Variants in PRUNE2 observed in about 807,000 individuals in gnomAD.
PRUNE2 encodes the protein prune homolog 2 with BCH domain.
PRUNE2 carries 164 observed loss-of-function variants against 252.0 expected under a neutral mutation model. That is an observed-to-expected ratio of 0.65 (90% confidence interval 0.57 to 0.74). The LOEUF is 0.74. Among genes scored for constraint, PRUNE2 ranks in the 30% least tolerant of loss-of-function variants. The pLI is 0.00. For missense variants in PRUNE2, 3,495 were observed against 3,711.0 expected (o/e 0.94, Z 1.51); for synonymous variants, 1,292 against 1,350.2 (o/e 0.96, Z 0.94).
At chr9:76,700,930 T>C (rs1210030867) in intron 9 of PRUNE2, among the ~76,000 whole-genome samples, 2 of 152,242 alleles carry the variant, frequency 1.3e-5, no homozygotes, top group South Asian at 2.1e-4. Context: ...AGTACCCATT[T>C]TATACTTAAA....
chr9:76,779,232 C>CT (rs5898506), intron 6 of PRUNE2, among the ~76,000 whole-genome samples: 33,015 of 144,780 alleles, frequency 0.23, 3,732 homozygotes, highest in South Asian at 0.3. Flanking sequence ...AAAACTTAGA[C>CT]TTTTTTTTTT....
intron 4 of PRUNE2, among the ~76,000 whole-genome samples, chr9:76,832,255 C>A (rs2058711547): frequency 6.6e-6 from 1 of 152,028 alleles, no homozygotes; most frequent in Non-Finnish European, 1.5e-5. Flanking sequence ...CCATGAGTAA[C>A]AAACTTGACC....
chr9:76,658,458 C>G (rs1850074151), intron 9 of PRUNE2, among the ~76,000 whole-genome samples: 1 of 152,192 alleles, frequency 6.6e-6, no homozygotes, highest in Admixed American at 6.5e-5. Context: ...TAAGAGAAAC[C>G]CAAGTCACGC....
chr9:76,685,031 C>T (rs980194274), intron 9 of PRUNE2, among the ~76,000 whole-genome samples: 3 of 152,074 alleles, frequency 2.0e-5, no homozygotes, highest in South Asian at 2.1e-4. Flanking sequence ...GGATTACAGG[C>T]GTGAGCCACC....
At chr9:76,861,275 G>C (rs2060530159) in intron 1 of PRUNE2, among the ~76,000 whole-genome samples, 1 of 152,200 alleles carries the variant, frequency 6.6e-6, no homozygotes, top group African/African-American at 2.4e-5. Flanking sequence ...CTGGGTTTGA[G>C]ATGATTTTGA....
intron 6 of PRUNE2, among the ~76,000 whole-genome samples, chr9:76,723,477 T>C (rs559813476): frequency 6.6e-6 from 1 of 152,316 alleles, no homozygotes; most frequent in African/African-American, 2.4e-5. Context: ...GTAGAGAGGC[T>C]AAAGGGGCTT....
At chr9:76,788,302 C>T (rs2055211433) in intron 6 of PRUNE2, 1 of 618,230 alleles carries the variant, frequency 1.6e-6, no homozygotes, top group East Asian at 2.8e-5. Context: ...TCGAAAGAAA[C>T]ATCTCTTACC....
chr9:76,747,986 C>T (rs775068077), intron 6 of PRUNE2, among the ~76,000 whole-genome samples: 9 of 152,036 alleles, frequency 5.9e-5, no homozygotes, highest in Admixed American at 3.3e-4. Context: ...TTAGTAGAGA[C>T]GGGGTTTCAC....
At chr9:76,835,460 T>C (rs1428527021) in intron 4 of PRUNE2, among the ~76,000 whole-genome samples, 1 of 152,234 alleles carries the variant, frequency 6.6e-6, no homozygotes, top group Non-Finnish European at 1.5e-5. Flanking sequence ...CTTTTTATAC[T>C]GCCTACTATT....
At chr9:76,739,009 A>G (rs573529288) in intron 6 of PRUNE2, 1 of 152,308 alleles carries the variant, frequency 6.6e-6, no homozygotes, top group African/African-American at 2.4e-5. Flanking sequence ...CACCCTGTGA[A>G]GTGGGCAGAG....
chr9:76,753,428 T>A (rs1451845208), intron 6 of PRUNE2, among the ~76,000 whole-genome samples: 1 of 152,152 alleles, frequency 6.6e-6, no homozygotes, highest in Non-Finnish European at 1.5e-5. Context: ...TAGGCCTGTG[T>A]TTTCTACTGC....
At chr9:76,781,551 C>A (rs541746458) in intron 6 of PRUNE2, among the ~76,000 whole-genome samples, 1 of 152,332 alleles carries the variant, frequency 6.6e-6, no homozygotes, top group African/African-American at 2.4e-5. Context: ...GGAGAACTTA[C>A]ACACCTCCCT....
At chr9:76,766,706 C>T (rs1320463695) in intron 6 of PRUNE2, among the ~76,000 whole-genome samples, 1 of 152,126 alleles carries the variant, frequency 6.6e-6, no homozygotes, top group East Asian at 1.9e-4. Context: ...AATTTTGCTC[C>T]TGCTTTAGGG....
At chr9:76,807,296 C>T (rs2057035716) in intron 6 of PRUNE2, among the ~76,000 whole-genome samples, 2 of 151,872 alleles carry the variant, frequency 1.3e-5, no homozygotes, top group Admixed American at 1.3e-4. Flanking sequence ...TGGTCTCGAA[C>T]TCCTGGTCTC....
Position 76,636,972 on chromosome 9 carries a change from AATGTGT to A in PRUNE2, c.8964-421_8964-416del, listed in dbSNP as rs1257996580. ...CTCCAACAACAACGACAACAACAAA[AATGTGT>A]GTGTGTGTGTGTGTGTGTGTGTGTG... On this transcript the variant is annotated intron_variant, in intron 14 of 18. Coordinates refer to ENST00000376718, the MANE Select transcript of PRUNE2 (RefSeq NM_015225.3). Among the ~76,000 whole-genome samples the A allele has an allele frequency of 1.2e-3, 160 of 131,550 alleles. 2 individuals are homozygous for A. In the Middle Eastern group the frequency reaches 0.019, roughly 15 times the overall value. 86.3% of individuals were successfully genotyped at this position (131,550 alleles called of 152,430 possible). A position where few individuals can be genotyped will look rare whatever the true frequency, so the allele number is the denominator to read the frequency against.
intron 1 of PRUNE2, among the ~76,000 whole-genome samples, chr9:76,874,475 A>G (rs1038115462): frequency 2.6e-5 from 4 of 152,228 alleles, no homozygotes; most frequent in African/African-American, 9.6e-5. Context: ...TCTGACAGCC[A>G]TTAAGTTAAA....
chr9:76,641,661 T>C (rs1230698731), intron 12 of PRUNE2, among the ~76,000 whole-genome samples: 1 of 152,134 alleles, frequency 6.6e-6, no homozygotes, highest in Non-Finnish European at 1.5e-5. Context: ...TTTTAAAACA[T>C]TTCTTTCATT....
At chr9:76,861,128 G>A (rs532329017) in intron 1 of PRUNE2, among the ~76,000 whole-genome samples, 5 of 152,338 alleles carry the variant, frequency 3.3e-5, no homozygotes, top group Admixed American at 1.3e-4. Context: ...ATGGCCAAGT[G>A]AGCAGCAGGG....
intron 6 of PRUNE2, among the ~76,000 whole-genome samples, chr9:76,746,172 A>G (rs368377019): frequency 2.0e-4 from 31 of 152,312 alleles, no homozygotes; most frequent in African/African-American, 7.5e-4. Context: ...TGGACTCTCC[A>G]GAGGGATAAG....
Sources: gnomAD v4.1 joint callset for allele counts (sites outside exome capture counted in the v4.1 genomes callset) on GRCh38, gnomAD v4.1.1 for gene constraint, MANE v1.5 for transcripts, NCBI Gene and HGNC (gene_info 2026-07-23, HGNC 2026-07-21) for gene names.